Variants in DAPP1 observed in about 807,000 individuals in gnomAD.
DAPP1 encodes dual adaptor of phosphotyrosine and 3-phosphoinositides 1, also known as dual adapter for phosphotyrosine and 3-phosphotyrosine and 3-phosphoinositide.
DAPP1 carries 20 observed loss-of-function variants against 41.5 expected under a neutral mutation model. That is an observed-to-expected ratio of 0.48 (90% CI 0.34 to 0.70). DAPP1 has a LOEUF of 0.70. Among genes scored for constraint, DAPP1 ranks in the 30% least tolerant of loss-of-function variants. DAPP1 has a pLI of 0.01. For missense variants in DAPP1, 233 were observed against 333.4 expected, an observed-to-expected ratio of 0.70 and a Z score of 2.35; for synonymous variants, 113 against 116.2, an observed-to-expected ratio of 0.97 and a Z score of 0.18.
intron 6 of DAPP1, 136 bp from the exon 7 acceptor site, chr4:99,863,634 G>A (rs985384360): frequency 1.5e-6 from 1 of 654,224 alleles, no homozygotes; most frequent in African/African-American, 1.9e-5. Context: ...CTTTTCTATT[G>A]TCAGTCCTGT....
intron 3 of DAPP1, among the ~76,000 whole-genome samples, chr4:99,847,613 G>A (rs890794219): frequency 1.3e-5 from 2 of 152,148 alleles, no homozygotes; most frequent in African/African-American, 4.8e-5. Flanking sequence ...GTGGTTACTG[G>A]TCTTCCTCAT....
intron 4 of DAPP1, among the ~76,000 whole-genome samples, chr4:99,860,673 A>T (rs1475198517): frequency 6.6e-6 from 1 of 152,134 alleles, no homozygotes; most frequent in African/African-American, 2.4e-5. Context: ...TTGGAAAAAA[A>T]TATTCTGGAA....
Position 99,840,441 on chromosome 4 carries a change from C to T in DAPP1, c.358+19C>T, listed in dbSNP as rs751187067. The stretch of plus-strand genomic sequence containing the variant: ...GAGACAGGTAAGCTATGAGCAGACA[C>T]TTGACTTATGAAATAATGTTTCGGG... On this transcript the variant is annotated intron_variant, in intron 3 of 8. Transcript: ENST00000512369. The T allele has an allele frequency of 3.5e-4, 560 of 1,602,352 alleles. 1 individual carries two copies. The highest frequency in any genetic ancestry group is 4.1e-4 in the Non-Finnish European group (477 of 1,176,058).
intron 3 of DAPP1, chr4:99,844,581 C>A (rs911293939): frequency 6.6e-6 from 1 of 152,068 alleles, no homozygotes; most frequent in African/African-American, 2.4e-5. Context: ...TTTACCATTA[C>A]CTTTTGTTTA....
At chr4:99,823,898 G>A (rs961372983) in intron 1 of DAPP1, among the ~76,000 whole-genome samples, 10 of 152,158 alleles carry the variant, frequency 6.6e-5, no homozygotes, top group African/African-American at 2.4e-4. Flanking sequence ...AGCAAAATAA[G>A]CGACTCATGT....
At chr4:99,851,963 A>T (rs1723877891) in intron 3 of DAPP1, among the ~76,000 whole-genome samples, 1 of 152,054 alleles carries the variant, frequency 6.6e-6, no homozygotes, top group African/African-American at 2.4e-5. Context: ...TACTCTCCAG[A>T]TCTTTCAAAT....
At chr4:99,817,083 C>A in intron 1 of DAPP1, 69 bp downstream of exon 1, 1 of 1,195,890 alleles carries the variant, frequency 8.4e-7, no homozygotes, top group African/African-American at 1.5e-5. Flanking sequence ...CACCTGCATG[C>A]TTTGATTAAT....
chr4:99,860,201 T>G (rs1165790531), intron 4 of DAPP1, among the ~76,000 whole-genome samples: 2 of 152,254 alleles, frequency 1.3e-5, no homozygotes, highest in Non-Finnish European at 2.9e-5. Flanking sequence ...ATTAATAGTC[T>G]CATTGCTTTC....
intron 4 of DAPP1, among the ~76,000 whole-genome samples, chr4:99,855,300 C>T (rs1353151210): frequency 2.6e-5 from 4 of 152,190 alleles, no homozygotes; most frequent in Non-Finnish European, 5.9e-5. Flanking sequence ...GCTACACTTC[C>T]CCTAAAGATC....
intron 4 of DAPP1, among the ~76,000 whole-genome samples, chr4:99,860,015 C>T (rs1347993735): frequency 6.6e-6 from 1 of 152,248 alleles, no homozygotes; most frequent in African/African-American, 2.4e-5. Context: ...TCATTTAAGG[C>T]TGGCAGGCAA....
intron 8 of DAPP1, chr4:99,866,590 C>T (rs1274873395): frequency 1.3e-6 from 1 of 766,118 alleles, no homozygotes; most frequent in Non-Finnish European, 2.4e-6. Flanking sequence ...TTTGTCTGCT[C>T]TCTGTATATC....
chr4:99,863,787 G>A lies in DAPP1; in HGVS notation c.618G>A (p.Arg206=), dbSNP rs757229815. ...FKDQMSPEPI[R]ILDLTECSAV... Reference sequence around the variant, plus strand: ...TTATTTAGTCACCAGAACCAATTCGGATCCTAGACCTAACAGAATGTTCAG... The same window carrying A: ...TTATTTAGTCACCAGAACCAATTCGAATCCTAGACCTAACAGAATGTTCAG... The change falls in exon 7 of 9, where the codon CGG becomes CGA. Residue 206 remains arginine, a synonymous_variant. Coordinates refer to ENST00000512369, the MANE Select transcript of DAPP1 (RefSeq NM_014395.3). 2.3e-5 allele frequency: 36 copies of A among 1,592,526 alleles called. No homozygotes were observed. The highest frequency in any genetic ancestry group is 2.9e-5 in the Non-Finnish European group (34 of 1,168,820).
chr4:99,851,484 G>A (rs951045084), intron 3 of DAPP1, among the ~76,000 whole-genome samples: 5 of 149,862 alleles, frequency 3.3e-5, no homozygotes, highest in Non-Finnish European at 5.9e-5. Flanking sequence ...TGTTTTTGCA[G>A]TCAGACATTG....
At chr4:99,825,159 C>T (rs1195621160) in intron 1 of DAPP1, among the ~76,000 whole-genome samples, 1 of 152,188 alleles carries the variant, frequency 6.6e-6, no homozygotes, top group Non-Finnish European at 1.5e-5. Context: ...CCATGTGCTT[C>T]TGGCTATCTG....
At chr4:99,845,994 T>C (rs983843922) in intron 3 of DAPP1, among the ~76,000 whole-genome samples, 64 of 152,344 alleles carry the variant, frequency 4.2e-4, no homozygotes, top group African/African-American at 1.5e-3. Flanking sequence ...CATTTGGTAA[T>C]GAAGCTTCTC....
rs1724575841 is a variant in DAPP1, at chr4:99,869,564, G to C, written c.*1379G>C. On this transcript the variant is annotated 3_prime_UTR_variant, in exon 9 of 9. Coordinates refer to ENST00000512369, the MANE Select transcript of DAPP1 (RefSeq NM_014395.3). The stretch of plus-strand genomic sequence containing the variant: ...TGTATATTTCAACAACATTTTAAAT[G>C]TATTTTGTTATGTTTGTATTATATA... The C allele has an allele frequency of 6.6e-6, 1 of 152,164 alleles. No homozygotes were observed. The allele number at this position is 152,164 out of a possible 1,614,324, so 9.4% of individuals were successfully genotyped here. A position where few individuals can be genotyped will look rare whatever the true frequency, so the allele number is the denominator to read the frequency against.
chr4:99,844,727 G>A (rs1723608375), intron 3 of DAPP1: 1 of 152,056 alleles, frequency 6.6e-6, no homozygotes, highest in African/African-American at 2.4e-5. Context: ...ATAATAATTG[G>A]TTCCCAATTT....
At chr4:99,828,107 G>A (rs1384534937) in intron 1 of DAPP1, among the ~76,000 whole-genome samples, 2 of 152,190 alleles carry the variant, frequency 1.3e-5, no homozygotes, top group African/African-American at 4.8e-5. Context: ...GGCAAAGATT[G>A]GATAAGAGTA....
At chr4:99,848,448 C>A (rs1394699346) in intron 3 of DAPP1, among the ~76,000 whole-genome samples, 1 of 151,078 alleles carries the variant, frequency 6.6e-6, no homozygotes, top group Non-Finnish European at 1.5e-5. Context: ...CCAGGATGGT[C>A]TCCATCTCCT....
Sources: gnomAD v4.1 joint callset for allele counts (sites outside exome capture counted in the v4.1 genomes callset) on GRCh38, gnomAD v4.1.1 for gene constraint, MANE v1.5 for transcripts, NCBI Gene and HGNC (gene_info 2026-07-23, HGNC 2026-07-21) for gene names.